CPEB1: variants seen among roughly 807,000 people sequenced by gnomAD.
CPEB1 encodes cytoplasmic polyadenylation element-binding protein 1.
In CPEB1, 7 loss-of-function variants were observed where a neutral mutation model predicts 65.8. The observed-to-expected ratio is 0.11, with a 90% CI of 0.06 to 0.20. The LOEUF (loss-of-function observed/expected upper bound fraction) is 0.20, where lower values mean the gene tolerates loss of function less well. CPEB1 is among the 10% of genes least tolerant of loss of function. The pLI, the probability that CPEB1 is intolerant of heterozygous loss-of-function variation, is 1.00. For synonymous variants in CPEB1, 262 were observed against 260.0 expected (o/e 1.01, Z -0.08); for missense variants, 551 against 712.2 (o/e 0.77, Z 2.58).
chr15:82,634,251 A>C (rs1164013035), intron 1 of CPEB1, among the ~76,000 whole-genome samples: 3 of 151,448 alleles, frequency 2.0e-5, no homozygotes, highest in African/African-American at 4.9e-5. Context: ...AATCTGAACC[A>C]CACTTTGTAG....
At chr15:82,561,563 T>C (rs2038206098) in intron 4 of CPEB1, among the ~76,000 whole-genome samples, 1 of 152,202 alleles carries the variant, frequency 6.6e-6, no homozygotes, top group Non-Finnish European at 1.5e-5. Context: ...CTCTGGTAAC[T>C]GTCCTCACCC....
chr15:82,557,714 C>G lies in CPEB1; in HGVS notation c.687+46G>C, dbSNP rs752329372. 18 of 1,548,156 alleles carry G rather than the reference C, an allele frequency of 1.2e-5. No individual in the cohort carries two copies. The South Asian group carries it at 1.7e-4, about 15-fold the overall frequency. On this transcript the variant is annotated intron_variant, in intron 5 of 12. Coordinates refer to ENST00000684509, the MANE Select transcript of CPEB1 (RefSeq NM_001365242.1). The stretch of plus-strand genomic sequence containing the variant: ...TACCCTCCTTCCCCTTGGACACACA[C>G]AGGCAACTCCACCCACAACTCCCCT...
rs139824893 is a variant in CPEB1 at position 82,558,349 on chromosome 15, C to T, written c.461-363G>A. ...ATACACCTACAGCACAGTTAGAAATCCCAAACCATACTTCATCTTTACTGC... is the reference window on the plus strand; with the variant it reads ...ATACACCTACAGCACAGTTAGAAATTCCAAACCATACTTCATCTTTACTGC... On this transcript the variant is annotated intron_variant, in intron 4 of 12. Coordinates refer to ENST00000684509, the MANE Select transcript of CPEB1 (RefSeq NM_001365242.1). Among the ~76,000 whole-genome samples, 202 of 152,308 alleles carry T rather than the reference C, an allele frequency of 1.3e-3. 1 individual carries two copies. Among genetic ancestry groups the T allele is most frequent in the African/African-American group, 4.3e-3 (178 of 41,562 alleles).
At chr15:82,553,616 C>T (rs980585812) in intron 7 of CPEB1, 60 bp from the exon 8 acceptor site, 5 of 1,256,552 alleles carry the variant, frequency 4.0e-6, no homozygotes, top group Non-Finnish European at 4.6e-6. Flanking sequence ...AGTAAAGACA[C>T]AAACACAGAA....
chr15:82,601,163 C>G (rs2043087167), intron 3 of CPEB1, among the ~76,000 whole-genome samples: 1 of 151,122 alleles, frequency 6.6e-6, no homozygotes, highest in Non-Finnish European at 1.5e-5. Context: ...CCACCTCGAC[C>G]TCCCAAAGTG....
chr15:82,633,042 G>C (rs774065713), intron 1 of CPEB1: 1 of 152,092 alleles, frequency 6.6e-6, no homozygotes, highest in Non-Finnish European at 1.5e-5. Flanking sequence ...GACAGTTCCT[G>C]CCCTTATTTT....
intron 3 of CPEB1, among the ~76,000 whole-genome samples, chr15:82,599,072 T>C (rs978610314): frequency 5.3e-5 from 8 of 152,186 alleles, no homozygotes; most frequent in African/African-American, 9.7e-5. Flanking sequence ...ATTGGAGACC[T>C]TGGAAGTTAA....
intron 3 of CPEB1, among the ~76,000 whole-genome samples, chr15:82,611,118 G>A (rs1596103649): frequency 6.6e-6 from 1 of 151,106 alleles, no homozygotes; most frequent in African/African-American, 2.4e-5. Flanking sequence ...GAAGATTTTA[G>A]CCAGCACAAT....
At chr15:82,612,516 A>G (rs1384123980) in intron 3 of CPEB1, among the ~76,000 whole-genome samples, 1 of 151,208 alleles carries the variant, frequency 6.6e-6, no homozygotes, top group Non-Finnish European at 1.5e-5. Flanking sequence ...AAACAAAAAA[A>G]AAAACACAGA....
intron 4 of CPEB1, among the ~76,000 whole-genome samples, chr15:82,569,566 C>T (rs1420391944): frequency 2.0e-5 from 3 of 152,190 alleles, no homozygotes; most frequent in Non-Finnish European, 2.9e-5. Flanking sequence ...AAGCACAGGC[C>T]TTTCAGGTGG....
chr15:82,576,740 A>G (rs1032039617), intron 3 of CPEB1, among the ~76,000 whole-genome samples: 4 of 152,220 alleles, frequency 2.6e-5, no homozygotes, highest in Non-Finnish European at 5.9e-5. Context: ...AACTGACTCC[A>G]GGCTGGGTGT....
intron 3 of CPEB1, among the ~76,000 whole-genome samples, chr15:82,613,016 T>C (rs2044330417): frequency 6.6e-6 from 1 of 152,082 alleles, no homozygotes. Flanking sequence ...ACACAAGCTC[T>C]TCTCAAGAAC....
chr15:82,601,110 T>C (rs954662586), intron 3 of CPEB1, among the ~76,000 whole-genome samples: 2 of 151,030 alleles, frequency 1.3e-5, no homozygotes, highest in Non-Finnish European at 1.5e-5. Context: ...TTCGTCACGT[T>C]GGTCAGGCTG....
intron 4 of CPEB1, among the ~76,000 whole-genome samples, chr15:82,567,280 T>C (rs777844854): frequency 6.6e-6 from 1 of 152,118 alleles, no homozygotes; most frequent in Admixed American, 6.5e-5. Flanking sequence ...TGCAGATCAA[T>C]GGGGAGCCTG....
At chr15:82,599,768 G>A (rs1221792527) in intron 3 of CPEB1, among the ~76,000 whole-genome samples, 1 of 152,030 alleles carries the variant, frequency 6.6e-6, no homozygotes, top group Non-Finnish European at 1.5e-5. Context: ...CCTACAACCA[G>A]AATAAAACCA....
At chr15:82,595,163 A>G (rs756790537) in intron 3 of CPEB1, among the ~76,000 whole-genome samples, 3 of 152,264 alleles carry the variant, frequency 2.0e-5, no homozygotes, top group Non-Finnish European at 4.4e-5. Context: ...GTGATAAAAT[A>G]AAGCACAATA....
chr15:82,555,391 C>T (rs2037020466), intron 6 of CPEB1, among the ~76,000 whole-genome samples: 2 of 152,166 alleles, frequency 1.3e-5, no homozygotes, highest in Admixed American at 6.5e-5. Flanking sequence ...ACAAATGGAC[C>T]CCTCCTTCCC....
At chr15:82,575,527 C>G (rs918321677) in intron 3 of CPEB1, among the ~76,000 whole-genome samples, 15 of 152,092 alleles carry the variant, frequency 9.9e-5, no homozygotes, top group Non-Finnish European at 2.2e-4. Context: ...AAAATAATTA[C>G]GCAAGCCACA....
chr15:82,549,324 G>A (rs995865143), intron 10 of CPEB1, 136 bp downstream of exon 10: 2 of 795,310 alleles, frequency 2.5e-6, no homozygotes, highest in Non-Finnish European at 2.0e-6. Context: ...TCTAGAAAAA[G>A]ATATTATGGT....
Sources: allele counts gnomAD v4.1 joint callset (sites outside exome capture counted in the v4.1 genomes callset), GRCh38; gene constraint gnomAD v4.1.1; transcripts MANE v1.5; gene names NCBI Gene and HGNC (gene_info 2026-07-23, HGNC 2026-07-21).